NASP: variants seen among roughly 807,000 people sequenced by gnomAD.
NASP encodes NASP histone chaperone.
Under a neutral mutation model 89.5 loss-of-function variants are expected in NASP, and 24 were observed. That is an observed-to-expected ratio of 0.27 (90% CI 0.19 to 0.38). The LOEUF (loss-of-function observed/expected upper bound fraction) is 0.38, where lower values mean the gene tolerates loss of function less well. Ranked by LOEUF, NASP falls within the 10% of genes least tolerant of loss-of-function variation. NASP has a pLI of 1.00. For missense variants in NASP, 848 were observed against 921.4 expected (o/e 0.92, Z 1.03); for synonymous variants, 306 against 324.7 (o/e 0.94, Z 0.62).
In NASP at chr1:45,607,592, C is replaced by T. The variant is rs143172762; in HGVS notation, c.681C>T (p.Val227=). 1.6e-4 allele frequency: 253 copies of T among 1,613,908 alleles called. 1 individual carries two copies. In the African/African-American group the frequency reaches 3.0e-3, roughly 19 times the overall value. Residue 227 remains valine, a synonymous_variant, in exon 6 of 15, where the codon GTC becomes GTT. Transcript: ENST00000350030. ...AAPEGPNEAE[V]TSGKPEQEVP... ...CAGAAGGACCGAATGAAGCTGAGGT[C>T]ACTTCTGGGAAGCCAGAACAGGAAG...
intron 7 of NASP, 25 bp downstream of exon 7, chr1:45,613,273 G>GT: frequency 6.3e-7 from 1 of 1,590,704 alleles, no homozygotes; most frequent in Non-Finnish European, 8.5e-7. Context: ...ACTCAGTACT[G>GT]TTGTCAGCCT....
intron 2 of NASP, among the ~76,000 whole-genome samples, chr1:45,599,138 G>T (rs1570968854): frequency 6.6e-6 from 1 of 151,880 alleles, no homozygotes; most frequent in Non-Finnish European, 1.5e-5. Context: ...TTGTTTGTTT[G>T]TTTGTTTGGA....
chr1:45,617,233 C>G, intron 13 of NASP: 1 of 473,834 alleles, frequency 2.1e-6, no homozygotes, highest in Non-Finnish European at 3.7e-6. Flanking sequence ...CTCACCCCAA[C>G]CCTATCTCCC....
At chr1:45,612,989 T>C (rs1644041168) in intron 6 of NASP, 180 bp from the exon 7 acceptor site, 2 of 766,518 alleles carry the variant, frequency 2.6e-6, no homozygotes, top group Non-Finnish European at 3.7e-6. Context: ...ATTCTTAGTC[T>C]AGGTTACACT....
intron 14 of NASP, 150 bp downstream of exon 14, chr1:45,617,741 AAC>A (rs759286351): frequency 1.3e-5 from 13 of 1,025,280 alleles, no homozygotes; most frequent in Non-Finnish European, 1.8e-5. Flanking sequence ...TGTGCAGGAA[AAC>A]AGTTTGGTTA....
Position 45,615,204 on chromosome 1 carries a change from G to A in NASP, c.1855+3G>A, listed in dbSNP as rs371584340. On this transcript the variant is annotated splice_donor_region_variant and intron_variant, in intron 10 of 14. Coordinates refer to ENST00000350030, the MANE Select transcript of NASP (RefSeq NM_002482.4). The stretch of plus-strand genomic sequence containing the variant: ...TGAAGTCATTGAGAACAGAATGGGT[G>A]AGTGAAGACGAGCTGCTTCATGGTG... 1.6e-5 allele frequency: 26 copies of A among 1,613,666 alleles called. No homozygotes were observed. Among genetic ancestry groups the A allele is most frequent in the Non-Finnish European group, 2.2e-5 (26 of 1,179,684 alleles).
At chr1:45,599,041 C>T (rs1269911186) in intron 2 of NASP, among the ~76,000 whole-genome samples, 1 of 152,128 alleles carries the variant, frequency 6.6e-6, no homozygotes, top group African/African-American at 2.4e-5. Context: ...CAGAATCTAA[C>T]CCTCTCTAAT....
intron 1 of NASP, among the ~76,000 whole-genome samples, chr1:45,586,796 AAAGAATAAATAT>A (rs772988032): frequency 2.6e-5 from 4 of 152,208 alleles, no homozygotes; most frequent in Non-Finnish European, 4.4e-5. Context: ...ATGACCATTG[AAAGAATAAATAT>A]AACTTCCAAA....
rs1038944060 is a variant in NASP, at chr1:45,584,047, T to G, written c.-100T>G. On this transcript the variant is annotated 5_prime_UTR_variant, in exon 1 of 15. Coordinates refer to ENST00000350030, the MANE Select transcript of NASP (RefSeq NM_002482.4). ...GGCCCCGGCCGCGCGGGGTCTCTAA[T>G]CTGCCATTTTCTGTCCCTGAGTGAG... 8.7e-6 allele frequency: 10 copies of G among 1,145,538 alleles called. No homozygotes were observed. The highest frequency in any genetic ancestry group is 2.3e-5 in the Admixed American group (1 of 43,920). The allele number at this position is 1,145,538 out of a possible 1,614,324, so 71.0% of individuals were successfully genotyped here.
intron 1 of NASP, among the ~76,000 whole-genome samples, chr1:45,586,020 G>T (rs892745955): frequency 6.6e-6 from 1 of 152,202 alleles, no homozygotes; most frequent in African/African-American, 2.4e-5. Context: ...CCAGAGTTAG[G>T]TCATTAGTGA....
chr1:45,594,972 C>T (rs183740025), intron 2 of NASP, among the ~76,000 whole-genome samples: 155 of 152,188 alleles, frequency 1.0e-3, no homozygotes, highest in Middle Eastern at 3.4e-3. Context: ...TCCCATTCTG[C>T]GGAACTGCTT....
At chr1:45,586,288 T>TGTGTG (rs1644544735) in intron 1 of NASP, among the ~76,000 whole-genome samples, 4 of 95,840 alleles carry the variant, frequency 4.2e-5, no homozygotes, top group East Asian at 3.1e-4. Flanking sequence ...GTGTGTGGTG[T>TGTGTG]GTGTGTGTGT....
chr1:45,599,951 G>GTTTTTTT (rs1375366938), intron 2 of NASP, among the ~76,000 whole-genome samples: 59 of 101,928 alleles, frequency 5.8e-4, no homozygotes, highest in African/African-American at 2.5e-3. Flanking sequence ...CTTTTCCTCT[G>GTTTTTTT]TATTTTTTTT....
chr1:45,603,978 C>G (rs1281611239), intron 3 of NASP, among the ~76,000 whole-genome samples: 1 of 152,168 alleles, frequency 6.6e-6, no homozygotes, highest in Non-Finnish European at 1.5e-5. Context: ...AGTTTTTAAG[C>G]ACACATAAAT....
In NASP at chr1:45,608,041, A is replaced by C; in HGVS notation, c.1130A>C (p.Asp377Ala). The change falls in exon 6 of 15, where the codon GAT becomes GCT. Residue 377 changes from aspartate to alanine, a missense_variant. Physicochemically the swap from Asp to Ala is moderately radical, Grantham distance 126. Around this residue, in one of 5 missense-constraint regions of NASP, gnomAD observed 464 missense variants for 469.4 expected, o/e 0.99. Transcript: ENST00000350030. ...CAGGAGGCTCCAGTTCTCCCTAAGG[A>C]TGGTGCAGTCAATGGACCGTCAGTT... The part of the protein sequence containing the change: ...PGQEAPVLPK[D>A]GAVNGPSVVG... 1.9e-6 allele frequency: 3 copies of C among 1,614,012 alleles called. No homozygotes were observed. Among genetic ancestry groups the C allele is most frequent in the Non-Finnish European group, 2.5e-6 (3 of 1,179,906 alleles).
Position 45,608,327 on chromosome 1 carries a change from A to G in NASP, c.1416A>G (p.Lys472=), listed in dbSNP as rs1328912304. The part of the protein sequence containing the change: ...EETQEREEQM[K]EGEETEGSEE... Reference sequence around the variant, plus strand: ...CACAAGAGAGAGAAGAACAGATGAAAGAGGGTGAAGGTAACCGGGATATGC... The same window carrying G: ...CACAAGAGAGAGAAGAACAGATGAAGGAGGGTGAAGGTAACCGGGATATGC... Residue 472 remains lysine (K), a synonymous_variant, in exon 6 of 15, where the codon AAA becomes AAG. Transcript: ENST00000350030. 1 of 1,606,562 alleles carries G rather than the reference A, an allele frequency of 6.2e-7. No individual in the cohort carries two copies. The highest frequency in any genetic ancestry group is 8.5e-7 in the Non-Finnish European group (1 of 1,176,104).
intron 6 of NASP, 115 bp from the exon 7 acceptor site, chr1:45,613,054 G>A (rs141565198): frequency 1.4e-6 from 2 of 1,385,838 alleles, no homozygotes; most frequent in African/African-American, 3.0e-5. Context: ...AACTCACTTG[G>A]ATTAGCATCT....
At chr1:45,600,471 C>A in intron 2 of NASP, 1 of 1,165,280 alleles carries the variant, frequency 8.6e-7, no homozygotes, top group Non-Finnish European at 1.1e-6. Context: ...AGTACTGTTT[C>A]TTTTTGTATA....
chr1:45,594,722 TG>T (rs1410484230), intron 2 of NASP: 1 of 455,560 alleles, frequency 2.2e-6, no homozygotes, highest in African/African-American at 2.0e-5. Context: ...TTGCCCAGGC[TG>T]GGGCTCAAGC....
Sources: gnomAD v4.1 joint callset for allele counts (sites outside exome capture counted in the v4.1 genomes callset) on GRCh38, gnomAD v4.1.1 for gene constraint, gnomAD v4.1.1 regional missense constraint, MANE v1.5 for transcripts, NCBI Gene and HGNC (gene_info 2026-07-23, HGNC 2026-07-21) for gene names.